Variants in ZNF37A observed in about 807,000 individuals in gnomAD.
ZNF37A encodes zinc finger protein 37a (KOX 21).
In ZNF37A, 10 loss-of-function variants were observed where a neutral mutation model predicts 12.3. The ratio of observed to expected loss-of-function variants is 0.82; its 90% CI spans 0.50 to 1.38. The LOEUF (loss-of-function observed/expected upper bound fraction) is 1.38, where lower values mean the gene tolerates loss of function less well. Ranked by LOEUF, ZNF37A falls within the 40% of genes most tolerant of loss-of-function variation. ZNF37A has a pLI of 0.00. For synonymous variants in ZNF37A, 207 were observed against 223.0 expected, an observed-to-expected ratio of 0.93 and a Z score of 0.64; for missense variants, 580 against 651.2, an observed-to-expected ratio of 0.89 and a Z score of 1.19.
intron 7 of ZNF37A, chr10:38,142,472 ACTT>A (rs1177558233): frequency 1.3e-5 from 2 of 152,138 alleles, no homozygotes; most frequent in African/African-American, 4.8e-5. Context: ...TGAAAATAGA[ACTT>A]CTCATTGTTC....
intron 7 of ZNF37A, chr10:38,139,085 G>T (rs1448825805): frequency 6.6e-6 from 1 of 152,126 alleles, no homozygotes; most frequent in African/African-American, 2.4e-5. Context: ...TTTATAAATT[G>T]ATGCCAGTGT....
At chr10:38,129,319 A>AAAAAAAAAAAAAAAAAAAAAAAAC, downstream of ZNF37A, among the ~76,000 whole-genome samples, 52 of 116,212 alleles carry the variant, frequency 4.5e-4, 1 homozygote, top group African/African-American at 5.8e-4. Flanking sequence ...AAAAAAAAAA[A>AAAAAAAAAAAAAAAAAAAAAAAAC]AAACTATTAT....
chr10:38,105,565 G>A (rs1039474546), intron 5 of ZNF37A, among the ~76,000 whole-genome samples: 1 of 152,062 alleles, frequency 6.6e-6, no homozygotes, highest in Non-Finnish European at 1.5e-5. Context: ...GTCTCTATAG[G>A]TTGTCAAGCC....
exon 8 of ZNF37A, chr10:38,147,399 A>G (rs991193124): frequency 2.6e-5 from 4 of 152,212 alleles, no homozygotes; most frequent in African/African-American, 9.6e-5. Context: ...AAGGGTTTCT[A>G]TGGTGGGACT....
At chr10:38,144,589 A>G (rs1206121685) in intron 7 of ZNF37A, among the ~76,000 whole-genome samples, 1 of 152,194 alleles carries the variant, frequency 6.6e-6, no homozygotes, top group Non-Finnish European at 1.5e-5. Flanking sequence ...TCAAGCCCAC[A>G]AAGACCCAAT....
chr10:38,100,472 T>C (rs1590799121), intron 5 of ZNF37A, among the ~76,000 whole-genome samples: 1 of 152,102 alleles, frequency 6.6e-6, no homozygotes, highest in Non-Finnish European at 1.5e-5. Flanking sequence ...ATAGGCCTAT[T>C]CCCCCAGGCT....
intron 5 of ZNF37A, among the ~76,000 whole-genome samples, chr10:38,107,013 A>C (rs936841177): frequency 1.3e-5 from 2 of 152,178 alleles, no homozygotes; most frequent in African/African-American, 4.8e-5. Context: ...AACACCACAA[A>C]GATACTCGTA....
intron 5 of ZNF37A, among the ~76,000 whole-genome samples, chr10:38,108,532 A>G (rs2068340435): frequency 6.6e-6 from 1 of 152,236 alleles, no homozygotes; most frequent in African/African-American, 2.4e-5. Context: ...AAACCCTTCA[A>G]AAAATCAATG....
In ZNF37A at chr10:38,117,958, A is replaced by G. The variant is rs577493435; in HGVS notation, c.807A>G (p.Lys269=). 3 of 1,613,920 alleles carry G rather than the reference A, an allele frequency of 1.9e-6. No homozygotes were observed. The highest frequency in any genetic ancestry group is 2.7e-5 in the African/African-American group (2 of 75,030). The change falls in exon 8 of 8, where the codon AAA becomes AAG. Residue 269 remains lysine (K), a synonymous_variant. Transcript: ENST00000685332. ...AACAGAGAACACATACAGGAGAAAAACCTTATGAATGTCATGAATGTGGAA... is the reference window on the plus strand; with the variant it reads ...AACAGAGAACACATACAGGAGAAAAGCCTTATGAATGTCATGAATGTGGAA... ...HLQQRTHTGE[K]PYECHECGKT...
At chr10:38,140,114 C>T (rs370763245) in intron 7 of ZNF37A, 15 of 152,318 alleles carry the variant, frequency 9.8e-5, no homozygotes, top group East Asian at 9.6e-4. Flanking sequence ...TGTACTGGAT[C>T]GTGGATCCAT....
rs1564932429 is a variant in ZNF37A, at chr10:38,112,783, T to TGG, written c.16-1972_16-1971insGG. Among the ~76,000 whole-genome samples, 25 of 57,894 alleles carry TGG rather than the reference T, an allele frequency of 4.3e-4. 4 individuals carry two copies. The highest frequency in any genetic ancestry group is 2.7e-3 in the East Asian group (4 of 1,456). The allele number at this position is 57,894 out of a possible 152,430, so 38.0% of individuals were successfully genotyped here. A position where few individuals can be genotyped will look rare whatever the true frequency, so the allele number is the denominator to read the frequency against. On this transcript the variant is annotated intron_variant, in intron 5 of 7. Transcript: ENST00000685332. ...TTCTTTTCTTTTCTTTTCTTTTCTT[T>TGG]TCTTTTCTTTTCTTGTCTTGTCTTG...
intron 5 of ZNF37A, among the ~76,000 whole-genome samples, chr10:38,098,173 A>T (rs2067297200): frequency 6.6e-6 from 1 of 152,218 alleles, no homozygotes; most frequent in Non-Finnish European, 1.5e-5. Flanking sequence ...ACTGAACAAT[A>T]TTCTATTATA....
At chr10:38,107,654 G>T (rs2068228678) in intron 5 of ZNF37A, among the ~76,000 whole-genome samples, 1 of 152,176 alleles carries the variant, frequency 6.6e-6, no homozygotes, top group African/African-American at 2.4e-5. Context: ...TAAAGGGATG[G>T]AGGAATATTT....
intron 7 of ZNF37A, chr10:38,144,490 A>G (rs541891769): frequency 1.3e-5 from 2 of 152,326 alleles, no homozygotes; most frequent in African/African-American, 2.4e-5. Flanking sequence ...TTGGAATAAT[A>G]TGACCCACAG....
At chr10:38,096,819 T>G (rs572779576) in intron 5 of ZNF37A, among the ~76,000 whole-genome samples, 187 bp downstream of exon 5, 1 of 152,218 alleles carries the variant, frequency 6.6e-6, no homozygotes, top group Admixed American at 6.5e-5. Flanking sequence ...GGATGGTTTT[T>G]ATATTTTTAG....
intron 5 of ZNF37A, among the ~76,000 whole-genome samples, chr10:38,104,012 G>A (rs1312604185): frequency 1.3e-5 from 2 of 152,154 alleles, no homozygotes; most frequent in Non-Finnish European, 2.9e-5. Flanking sequence ...TTCCTCTCAG[G>A]TTTTTTCTGA....
chr10:38,135,309 TG>T (rs2070093727), intron 7 of ZNF37A, among the ~76,000 whole-genome samples: 1 of 152,164 alleles, frequency 6.6e-6, no homozygotes, highest in African/African-American at 2.4e-5. Flanking sequence ...CGCCTGAAAC[TG>T]GGAGGCGGAG....
At chr10:38,147,822 C>A (rs572567020) in exon 8 of ZNF37A, 130 of 152,286 alleles carry the variant, frequency 8.5e-4, no homozygotes, top group African/African-American at 3.0e-3. Flanking sequence ...ATCTTTTATT[C>A]ATCATTTGGA....
chr10:38,145,865 G>A (rs2070246570), intron 7 of ZNF37A, among the ~76,000 whole-genome samples: 1 of 152,208 alleles, frequency 6.6e-6, no homozygotes, highest in Admixed American at 6.5e-5. Context: ...TTGGGAGGCT[G>A]AGGCGGGCAG....
Sources: allele counts gnomAD v4.1 joint callset (sites outside exome capture counted in the v4.1 genomes callset), GRCh38; gene constraint gnomAD v4.1.1; transcripts MANE v1.5; gene names NCBI Gene and HGNC (gene_info 2026-07-23, HGNC 2026-07-21).